RBFOX1: variants seen among roughly 807,000 people sequenced by gnomAD.
RBFOX1 encodes RNA binding protein fox-1 homolog 1.
RBFOX1 carries 8 observed loss-of-function variants against 57.7 expected under a neutral mutation model. The ratio of observed to expected loss-of-function variants is 0.14; its 90% confidence interval spans 0.08 to 0.25. RBFOX1 has a LOEUF of 0.25. Ranked by LOEUF, RBFOX1 falls within the 10% of genes least tolerant of loss-of-function variation. The pLI is 1.00. For missense variants in RBFOX1, 611 were observed against 548.5 expected (o/e 1.11, Z -1.14); for synonymous variants, 326 against 222.4 (o/e 1.47, Z -4.15).
At chr16:7,003,042 G>A (rs1188693901) in intron 3 of RBFOX1, among the ~76,000 whole-genome samples, 3 of 150,978 alleles carry the variant, frequency 2.0e-5, no homozygotes, top group Non-Finnish European at 4.4e-5. Context: ...TTTTTTCTCT[G>A]TTGTGTTTGG....
chr16:7,562,153 C>G (rs556506431), intron 5 of RBFOX1, among the ~76,000 whole-genome samples: 60 of 152,292 alleles, frequency 3.9e-4, no homozygotes, highest in African/African-American at 1.4e-3. Flanking sequence ...TGGCAACAAT[C>G]TTGGGAGTAT....
At chr16:7,675,146 C>G (rs995261741) in intron 13 of RBFOX1, among the ~76,000 whole-genome samples, 2 of 152,172 alleles carry the variant, frequency 1.3e-5, no homozygotes, top group Non-Finnish European at 2.9e-5. Context: ...ACACCTGTAT[C>G]TTTCTGTGAA....
At chr16:6,611,061 T>G (rs989387179) in intron 2 of RBFOX1, among the ~76,000 whole-genome samples, 7 of 152,192 alleles carry the variant, frequency 4.6e-5, no homozygotes, top group Admixed American at 2.6e-4. Flanking sequence ...ATTTTACCAT[T>G]AAGGCCTAAG....
intron 2 of RBFOX1, among the ~76,000 whole-genome samples, chr16:6,405,867 C>G (rs144930091): frequency 6.6e-6 from 1 of 152,310 alleles, no homozygotes; most frequent in African/African-American, 2.4e-5. Flanking sequence ...AAAACAACTT[C>G]TATTACAAAA....
chr16:7,437,160 G>T (rs909010078), intron 4 of RBFOX1, among the ~76,000 whole-genome samples: 1 of 151,786 alleles, frequency 6.6e-6, no homozygotes, highest in Non-Finnish European at 1.5e-5. Context: ...CGTTTAATCT[G>T]TTTTATGATA....
At chr16:6,732,357 G>C (rs1349273824) in intron 3 of RBFOX1, among the ~76,000 whole-genome samples, 2 of 152,198 alleles carry the variant, frequency 1.3e-5, no homozygotes, top group Non-Finnish European at 1.5e-5. Flanking sequence ...GTCTCTGACA[G>C]ATGCAGCATT....
rs566791188 is a variant in RBFOX1, at chr16:5,288,410, A to T, written c.219+48305A>T. Among the ~76,000 whole-genome samples, 13 of 152,292 alleles carry T rather than the reference A, an allele frequency of 8.5e-5. No homozygotes were observed. The East Asian group carries it at 2.5e-3, about 29-fold the overall frequency. ...CATAATAACATTAGCCAACATTCTAAATAAATGCAGGAAATTAAATAGTCT... is the reference window on the plus strand; with the variant it reads ...CATAATAACATTAGCCAACATTCTATATAAATGCAGGAAATTAAATAGTCT... On this transcript the variant is annotated intron_variant, in intron 1 of 2. Transcript: ENST00000585867.
At chr16:6,419,482 G>T (rs2093715957) in intron 2 of RBFOX1, among the ~76,000 whole-genome samples, 1 of 152,224 alleles carries the variant, frequency 6.6e-6, no homozygotes, top group Non-Finnish European at 1.5e-5. Context: ...AGAAAGGAAT[G>T]AAGACAATAA....
chr16:7,190,876 G>C (rs376586487), intron 4 of RBFOX1, among the ~76,000 whole-genome samples: 1 of 152,278 alleles, frequency 6.6e-6, no homozygotes, highest in Admixed American at 6.5e-5. Flanking sequence ...ATTCTTCAGA[G>C]GATGTTAACT....
At chr16:5,526,583 C>G (rs573947019) in intron 2 of RBFOX1, among the ~76,000 whole-genome samples, 3 of 152,302 alleles carry the variant, frequency 2.0e-5, no homozygotes, top group Admixed American at 2.0e-4. Context: ...GCCACCACAC[C>G]TGGCTTCCAC....
intron 2 of RBFOX1, among the ~76,000 whole-genome samples, chr16:6,446,986 G>C (rs549144914): frequency 6.6e-6 from 1 of 152,112 alleles, no homozygotes; most frequent in East Asian, 1.9e-4. Context: ...TCATTTTCCA[G>C]GAATGAAAAA....
intron 3 of RBFOX1, among the ~76,000 whole-genome samples, chr16:5,618,323 C>A (rs1312287036): frequency 8.6e-6 from 1 of 115,720 alleles, no homozygotes; most frequent in African/African-American, 2.8e-5. Flanking sequence ...CAGGAGATGG[C>A]TGCAGATTTT....
intron 2 of RBFOX1, among the ~76,000 whole-genome samples, chr16:6,333,316 A>G (rs1178123117): frequency 6.6e-6 from 1 of 152,220 alleles, no homozygotes; most frequent in East Asian, 1.9e-4. Flanking sequence ...AAGCGCTGGG[A>G]TGACAGGTGT....
intron 3 of RBFOX1, among the ~76,000 whole-genome samples, chr16:5,682,112 C>T (rs896311882): frequency 6.6e-6 from 1 of 152,134 alleles, no homozygotes; most frequent in African/African-American, 2.4e-5. Flanking sequence ...TTTCAGATTG[C>T]CGTTTCATGT....
chr16:5,455,021 T>TTCTTTCTTTCTTTCTTTC (rs1317448150), intron 1 of RBFOX1, among the ~76,000 whole-genome samples: 1 of 113,128 alleles, frequency 8.8e-6, no homozygotes. Flanking sequence ...CTTTCTTTCT[T>TTCTTTCTTTCTTTCTTTC]TCTCTCTCTC....
chr16:5,929,663 G>A (rs1270152065), intron 4 of RBFOX1, among the ~76,000 whole-genome samples: 5 of 152,146 alleles, frequency 3.3e-5, no homozygotes, highest in African/African-American at 1.2e-4. Context: ...TAAGAATGTA[G>A]ACTTTGGTGT....
chr16:6,770,198 T>C (rs2078054986), intron 3 of RBFOX1, among the ~76,000 whole-genome samples: 1 of 152,188 alleles, frequency 6.6e-6, no homozygotes, highest in African/African-American at 2.4e-5. Context: ...TTAGCAGTCA[T>C]GGGTGAGAAC....
intron 1 of RBFOX1, among the ~76,000 whole-genome samples, chr16:6,266,107 G>A (rs954924078): frequency 1.3e-5 from 2 of 152,134 alleles, no homozygotes; most frequent in Admixed American, 1.3e-4. Flanking sequence ...CTTCTGGGCG[G>A]AAGCTTTAAG....
chr16:6,406,242 A>G (rs1319595860), intron 2 of RBFOX1, among the ~76,000 whole-genome samples: 2 of 152,190 alleles, frequency 1.3e-5, no homozygotes, highest in East Asian at 1.9e-4. Context: ...TACAGAGGCA[A>G]TACCCATTAA....
Sources: gnomAD v4.1 joint callset for allele counts (sites outside exome capture counted in the v4.1 genomes callset) on GRCh38, gnomAD v4.1.1 for gene constraint, MANE v1.5 for transcripts, NCBI Gene and HGNC (gene_info 2026-07-23, HGNC 2026-07-21) for gene names.